The following PCDHGB1 variants were observed in gnomAD, a reference collection of about 807,000 sequenced individuals.
PCDHGB1 encodes protocadherin gamma-B1.
In PCDHGB1, 34 loss-of-function variants were observed where a neutral mutation model predicts 56.6. The ratio of observed to expected loss-of-function variants is 0.60; its 90% CI spans 0.46 to 0.80. The LOEUF (loss-of-function observed/expected upper bound fraction) is 0.80, where lower values mean the gene tolerates loss of function less well. Ranked by LOEUF, PCDHGB1 falls within the 30% of genes least tolerant of loss-of-function variation. PCDHGB1 has a pLI of 0.00. For missense variants in PCDHGB1, 1,278 were observed against 1,204.6 expected, an observed-to-expected ratio of 1.06 and a Z score of -0.90; for synonymous variants, 561 against 505.9, an observed-to-expected ratio of 1.11 and a Z score of -1.46.
At chr5:141,447,182 C>G (rs1205769161) in intron 1 of PCDHGB1, among the ~76,000 whole-genome samples, 1 of 152,126 alleles carries the variant, frequency 6.6e-6, no homozygotes, top group Non-Finnish European at 1.5e-5. Flanking sequence ...TCTTGTCGCG[C>G]AGGCTGGAGT....
chr5:141,464,068 C>A (rs2099075218), intron 1 of PCDHGB1, among the ~76,000 whole-genome samples: 1 of 152,036 alleles, frequency 6.6e-6, no homozygotes, highest in Admixed American at 6.6e-5. Flanking sequence ...AGTTCAAGGC[C>A]AGCCTGGCCA....
At chr5:141,357,677 T>G (rs1371752128) in intron 1 of PCDHGB1, 1 of 1,583,726 alleles carries the variant, frequency 6.3e-7, no homozygotes. Context: ...AAGAGTTGTG[T>G]AAATGTCTCT....
In PCDHGB1 at chr5:141,461,830, C is replaced by CT. The variant is rs1030113508; in HGVS notation, c.2410-32967dup. On this transcript the variant is annotated intron_variant, in intron 1 of 3. Transcript: ENST00000523390. Reference sequence around the variant, plus strand: ...CACCACACCCAGCTAATTTTTTTTTCTTTTTTTTTTGAGACAGAGTTTTGC... The same window carrying CT: ...CACCACACCCAGCTAATTTTTTTTTCTTTTTTTTTTTGAGACAGAGTTTTGC... Among the ~76,000 whole-genome samples, 192 of 145,246 alleles carry CT rather than the reference C, an allele frequency of 1.3e-3. 1 individual carries two copies. In the Middle Eastern group the frequency reaches 0.022, roughly 16 times the overall value.
Position 141,496,980 on chromosome 5 carries a change from G to A in PCDHGB1, c.2468+2115G>A, listed in dbSNP as rs186715298. On this transcript the variant is annotated intron_variant, in intron 2 of 3. Coordinates refer to ENST00000523390, the MANE Select transcript of PCDHGB1 (RefSeq NM_018922.3). ...GTGGGTAGATCACTTGAGGTCAGGG[G>A]TTTGAGACCAGCCTGGCAGCCAACA... Among the ~76,000 whole-genome samples the A allele has an allele frequency of 1.6e-3, 236 of 152,074 alleles. 2 individuals are homozygous for A. Among genetic ancestry groups the A allele is most frequent in the South Asian group, 7.5e-3 (36 of 4,814 alleles).
At chr5:141,438,720 G>A (rs1393152221) in intron 1 of PCDHGB1, among the ~76,000 whole-genome samples, 1 of 147,892 alleles carries the variant, frequency 6.8e-6, no homozygotes, top group Non-Finnish European at 1.5e-5. Flanking sequence ...GAGTGCAAGT[G>A]GTGTGATCTC....
At chr5:141,398,746 T>TAC in intron 1 of PCDHGB1, 1 of 1,613,420 alleles carries the variant, frequency 6.2e-7, no homozygotes, top group South Asian at 1.1e-5. Context: ...ACAACAGAGT[T>TAC]ACCATCGTTT....
chr5:141,369,925 G>C (rs376465013), intron 1 of PCDHGB1, among the ~76,000 whole-genome samples: 2 of 152,186 alleles, frequency 1.3e-5, no homozygotes, highest in African/African-American at 2.4e-5. Flanking sequence ...AACTAAAAAC[G>C]TGACGGGATT....
Position 141,476,239 on chromosome 5 carries a change from A to T in PCDHGB1, c.2410-18568A>T. ...TTCACTATGAGATCCCGGAGGAAAG[A>T]GAGAAGGGTTTCGCTGTGGGCAACG... is the stretch of plus-strand genomic sequence containing the variant. On this transcript the variant is annotated intron_variant, in intron 1 of 3. Coordinates refer to ENST00000523390, the MANE Select transcript of PCDHGB1 (RefSeq NM_018922.3). This position sits in a 1 kb window ranked among gnomAD's most constrained non-coding sequence, Gnocchi z 7.6. 1 of 1,613,826 alleles carries T rather than the reference A, an allele frequency of 6.2e-7. No homozygotes were observed. Among genetic ancestry groups the T allele is most frequent in the Non-Finnish European group, 8.5e-7 (1 of 1,179,996 alleles).
At chr5:141,359,554 T>C (rs1206775223) in intron 1 of PCDHGB1, among the ~76,000 whole-genome samples, 1 of 151,518 alleles carries the variant, frequency 6.6e-6, no homozygotes, top group Non-Finnish European at 1.5e-5. Flanking sequence ...AGGAAAGCTC[T>C]CTATGTACTG....
intron 1 of PCDHGB1, chr5:141,395,402 C>T (rs1012676021): frequency 5.9e-6 from 5 of 846,250 alleles, no homozygotes; most frequent in Non-Finnish European, 8.7e-6. Context: ...CTCTAATAGT[C>T]ATAGGTTATT....
chr5:141,490,604 A>T lies in PCDHGB1; in HGVS notation c.2410-4203A>T, dbSNP rs749528675. ...GTCAATGACAATGCACCCCGCTTCA[A>T]CCAGCAGCTTTACACTGCTTACATC... On this transcript the variant is annotated intron_variant, in intron 1 of 3. Transcript: ENST00000523390. The surrounding 1 kb of genome is among the most constrained non-coding windows in gnomAD (Gnocchi z 5.4). 6.2e-7 allele frequency: 1 copy of T among 1,614,192 alleles called. No homozygotes were observed. The highest frequency in any genetic ancestry group is 8.5e-7 in the Non-Finnish European group (1 of 1,180,022).
intron 1 of PCDHGB1, among the ~76,000 whole-genome samples, chr5:141,449,056 G>A (rs149442150): frequency 6.6e-6 from 1 of 152,068 alleles, no homozygotes; most frequent in African/African-American, 2.4e-5. Flanking sequence ...TCATAAATGA[G>A]CGCTATTGAA....
intron 1 of PCDHGB1, among the ~76,000 whole-genome samples, chr5:141,438,039 C>T (rs1373700448): frequency 6.6e-6 from 1 of 152,024 alleles, no homozygotes; most frequent in Non-Finnish European, 1.5e-5. Flanking sequence ...CCATGCCCGA[C>T]CACTTTGAGT....
Position 141,476,873 on chromosome 5 carries a change from G to A in PCDHGB1, c.2410-17934G>A. 1.9e-6 allele frequency: 3 copies of A among 1,613,936 alleles called. No homozygotes were observed. Among genetic ancestry groups the A allele is most frequent in the Non-Finnish European group, 2.5e-6 (3 of 1,180,038 alleles). Reference sequence around the variant, plus strand: ...CAACCAGTCCTTGTACCGGGCGCGCGTCCTGGAGGATGCACCCTCCGGCAC... The same window carrying A: ...CAACCAGTCCTTGTACCGGGCGCGCATCCTGGAGGATGCACCCTCCGGCAC... On this transcript the variant is annotated intron_variant, in intron 1 of 3. Transcript: ENST00000523390. The surrounding 1 kb of genome is among the most constrained non-coding windows in gnomAD (Gnocchi z 7.6).
Position 141,490,070 on chromosome 5 carries a change from T to C in PCDHGB1, c.2410-4737T>C, listed in dbSNP as rs2099695766. ...CCAGACGAGGGCACCAACGGCCAAC[T>C]AGACTATTCTTTTGGAGACCACACA... On this transcript the variant is annotated intron_variant, in intron 1 of 3. Transcript: ENST00000523390. The surrounding 1 kb of genome is among the most constrained non-coding windows in gnomAD (Gnocchi z 5.4). The C allele has an allele frequency of 6.2e-7, 1 of 1,614,198 alleles. No individual in the cohort carries two copies.
At chr5:141,371,042 T>C in intron 1 of PCDHGB1, 1 of 1,613,964 alleles carries the variant, frequency 6.2e-7, no homozygotes, top group Non-Finnish European at 8.5e-7. Flanking sequence ...CAGCTGTGGA[T>C]GGGGGCGAGC....
At chr5:141,372,237 G>A in intron 1 of PCDHGB1, 2 of 1,613,294 alleles carry the variant, frequency 1.2e-6, no homozygotes, top group Non-Finnish European at 1.7e-6. Flanking sequence ...CAGCGAGCCC[G>A]GGCTGTTCAG....
chr5:141,389,010 C>T (rs141101630), intron 1 of PCDHGB1: 2 of 1,613,862 alleles, frequency 1.2e-6, no homozygotes, highest in African/African-American at 2.7e-5. Flanking sequence ...GGATTCCAGA[C>T]ACAATGGAGA....
At position 141,510,979 on chromosome 5, in the gene PCDHGB1, G is replaced by T; in HGVS notation, c.2590G>T (p.Gly864Cys). 3.7e-6 allele frequency: 6 copies of T among 1,614,156 alleles called. No individual in the cohort carries two copies. Among genetic ancestry groups the T allele is most frequent in the Non-Finnish European group, 4.2e-6 (5 of 1,180,018 alleles). Residue 864 changes from glycine to cysteine, a missense_variant, in exon 4 of 4, where the codon GGT becomes TGT. Gly to Cys is a radical substitution (Grantham distance 159). Coordinates refer to ENST00000523390, the MANE Select transcript of PCDHGB1 (RefSeq NM_018922.3). ...TGATGGGAGCTCCACCCTGGGAGGGGGTGCCGGCACCATGGGATTGAGCGC... is the reference window on the plus strand; with the variant it reads ...TGATGGGAGCTCCACCCTGGGAGGGTGTGCCGGCACCATGGGATTGAGCGC... Reference protein sequence around the residue: ...AADGSSTLGGGAGTMGLSARY... With the variant: ...AADGSSTLGGCAGTMGLSARY...
Sources: allele counts gnomAD v4.1 joint callset (sites outside exome capture counted in the v4.1 genomes callset), GRCh38; gene constraint gnomAD v4.1.1; non-coding constraint Gnocchi (gnomAD v3.1); transcripts MANE v1.5; gene names NCBI Gene and HGNC (gene_info 2026-07-23, HGNC 2026-07-21).